Variants in STT3B observed in about 807,000 individuals in gnomAD.
STT3B encodes STT3 oligosaccharyltransferase complex catalytic subunit B.
Under a neutral mutation model 96.8 loss-of-function variants are expected in STT3B, and 29 were observed. The ratio of observed to expected loss-of-function variants is 0.30; its 90% CI spans 0.22 to 0.41. STT3B has a LOEUF of 0.41. Ranked by LOEUF, STT3B falls within the 10% of genes least tolerant of loss-of-function variation. The pLI is 1.00. For missense variants in STT3B, 640 were observed against 1,022.3 expected (o/e 0.63, Z 5.10); for synonymous variants, 367 against 360.0 (o/e 1.02, Z -0.22).
chr3:31,579,326 A>T (rs1232907194), intron 2 of STT3B, among the ~76,000 whole-genome samples: 2 of 151,716 alleles, frequency 1.3e-5, no homozygotes, highest in Non-Finnish European at 2.9e-5. Context: ...AGGAGGGAAC[A>T]TTTTTTTATA....
intron 1 of STT3B, among the ~76,000 whole-genome samples, chr3:31,558,815 A>G (rs1697786696): frequency 6.6e-6 from 1 of 150,988 alleles, no homozygotes; most frequent in Non-Finnish European, 1.5e-5. Flanking sequence ...TGTTGGGAGA[A>G]CTTCTATTAC....
intron 5 of STT3B, among the ~76,000 whole-genome samples, chr3:31,607,502 C>G (rs1275154643): frequency 2.0e-5 from 3 of 152,054 alleles, no homozygotes; most frequent in African/African-American, 7.2e-5. Flanking sequence ...AAACTCCTTT[C>G]GCTTGGTTTT....
At chr3:31,539,213 GACAA>G (rs1697172004) in intron 1 of STT3B, among the ~76,000 whole-genome samples, 1 of 152,052 alleles carries the variant, frequency 6.6e-6, no homozygotes, top group Non-Finnish European at 1.5e-5. Flanking sequence ...ACTATTTGTA[GACAA>G]ACAAATCTCT....
rs1698744697 is a variant in STT3B at position 31,594,596 on chromosome 3, A to AT, written c.712-2197dup. Among the ~76,000 whole-genome samples the AT allele has an allele frequency of 2.0e-5, 3 of 151,770 alleles. No homozygotes were observed. In the South Asian group the frequency reaches 6.2e-4, roughly 32 times the overall value. ...AGTCGTGCACCACCACGCTCAGCTA[A>AT]TTTTTGTATTTTTAGTAGAGACGGG... On this transcript the variant is annotated intron_variant, in intron 3 of 15. Transcript: ENST00000295770.
At chr3:31,573,514 T>C (rs1698202820) in intron 1 of STT3B, among the ~76,000 whole-genome samples, 1 of 152,142 alleles carries the variant, frequency 6.6e-6, no homozygotes, top group East Asian at 1.9e-4. Context: ...GTTATGATTT[T>C]TGTATAGGAT....
intron 3 of STT3B, among the ~76,000 whole-genome samples, chr3:31,581,128 A>G (rs2125454261): frequency 6.6e-6 from 1 of 152,296 alleles, no homozygotes; most frequent in South Asian, 2.1e-4. Flanking sequence ...GTTTTTAAGC[A>G]GTACAAATCA....
rs908437724 is a variant in STT3B at position 31,623,925 on chromosome 3, G to C, written c.1727+64G>C. ...ACACTTCTTTTTCGTTGTCTCAAAG[G>C]ATATAATTAAAAAATAGAATGTTGT... On this transcript the variant is annotated intron_variant, in intron 11 of 15. Transcript: ENST00000295770. 27 of 1,303,736 alleles carry C rather than the reference G, an allele frequency of 2.1e-5. No homozygotes were observed. In the African/African-American group the frequency reaches 3.4e-4, roughly 17 times the overall value. The allele number at this position is 1,303,736 out of a possible 1,614,324, so 80.8% of individuals were successfully genotyped here. A position where few individuals can be genotyped will look rare whatever the true frequency, so the allele number is the denominator to read the frequency against.
intron 1 of STT3B, among the ~76,000 whole-genome samples, chr3:31,534,848 A>G (rs567745957): frequency 9.1e-4 from 139 of 152,316 alleles, no homozygotes; most frequent in African/African-American, 3.2e-3. Context: ...ACGTGCAATC[A>G]CAGAAGAAAA....
chr3:31,628,104 A>C (rs1034322332), intron 13 of STT3B, among the ~76,000 whole-genome samples: 1 of 152,124 alleles, frequency 6.6e-6, no homozygotes, highest in African/African-American at 2.4e-5. Context: ...TCACTACAAC[A>C]AAATAAGTAT....
At chr3:31,629,996 G>T (rs1040027041) in intron 14 of STT3B, among the ~76,000 whole-genome samples, 1 of 152,156 alleles carries the variant, frequency 6.6e-6, no homozygotes, top group Non-Finnish European at 1.5e-5. Context: ...CTGTGTTTTC[G>T]ATCAGGTTCT....
At chr3:31,587,061 A>G (rs1300646301) in intron 3 of STT3B, among the ~76,000 whole-genome samples, 1 of 152,082 alleles carries the variant, frequency 6.6e-6, no homozygotes, top group Non-Finnish European at 1.5e-5. Flanking sequence ...CTGGGCGATC[A>G]GGTTAGTGAC....
At chr3:31,635,677 G>T (rs1420060965) in intron 15 of STT3B, among the ~76,000 whole-genome samples, 2 of 152,168 alleles carry the variant, frequency 1.3e-5, no homozygotes, top group African/African-American at 4.8e-5. Context: ...TACATATTCT[G>T]TCTTGCCTGG....
chr3:31,534,479 G>A (rs1697035910), intron 1 of STT3B, among the ~76,000 whole-genome samples: 1 of 152,172 alleles, frequency 6.6e-6, no homozygotes, highest in Non-Finnish European at 1.5e-5. Context: ...TCAACCTTGA[G>A]TTAATCTTAC....
At chr3:31,552,107 A>G (rs1481922804) in intron 1 of STT3B, among the ~76,000 whole-genome samples, 1 of 152,208 alleles carries the variant, frequency 6.6e-6, no homozygotes, top group African/African-American at 2.4e-5. Context: ...AACTGTGCCT[A>G]GATTCCTGAC....
chr3:31,558,097 T>C (rs1173617698), intron 1 of STT3B, among the ~76,000 whole-genome samples: 2 of 152,244 alleles, frequency 1.3e-5, no homozygotes, highest in Non-Finnish European at 2.9e-5. Flanking sequence ...TTTTGGTTTT[T>C]CCAAATATAA....
intron 1 of STT3B, among the ~76,000 whole-genome samples, chr3:31,574,955 CA>C (rs1698233229): frequency 6.6e-6 from 1 of 152,086 alleles, no homozygotes; most frequent in African/African-American, 2.4e-5. Flanking sequence ...ATTTGCTCTT[CA>C]TTTTTGTCCT....
intron 14 of STT3B, among the ~76,000 whole-genome samples, chr3:31,631,084 C>T (rs754895698): frequency 1.2e-4 from 18 of 152,212 alleles, no homozygotes; most frequent in Admixed American, 5.2e-4. Flanking sequence ...TGAGCCACCG[C>T]GCCCAGCCCC....
At chr3:31,551,669 G>A (rs1477540389) in intron 1 of STT3B, among the ~76,000 whole-genome samples, 1 of 152,202 alleles carries the variant, frequency 6.6e-6, no homozygotes, top group African/African-American at 2.4e-5. Context: ...GTTATAGGTG[G>A]CTTTGTAAAT....
intron 5 of STT3B, among the ~76,000 whole-genome samples, chr3:31,604,951 A>C (rs1473292095): frequency 6.6e-6 from 1 of 152,210 alleles, no homozygotes; most frequent in Non-Finnish European, 1.5e-5. Flanking sequence ...TAATGTCCTC[A>C]TGGGTCAAAT....
Sources: gnomAD v4.1 joint callset for allele counts (sites outside exome capture counted in the v4.1 genomes callset) on GRCh38, gnomAD v4.1.1 for gene constraint, MANE v1.5 for transcripts, NCBI Gene and HGNC (gene_info 2026-07-23, HGNC 2026-07-21) for gene names.